SLC4A4: variants seen among roughly 807,000 people sequenced by gnomAD.
SLC4A4 encodes electrogenic sodium bicarbonate cotransporter 1.
Under a neutral mutation model 111.5 loss-of-function variants are expected in SLC4A4, and 27 were observed. The observed-to-expected ratio is 0.24, with a 90% CI of 0.18 to 0.33. The LOEUF (loss-of-function observed/expected upper bound fraction) is 0.33. SLC4A4 is among the 10% of genes least tolerant of loss of function. The pLI is 1.00. For synonymous variants in SLC4A4, 443 were observed against 463.4 expected (o/e 0.96, Z 0.57); for missense variants, 909 against 1,315.5 (o/e 0.69, Z 4.78).
At chr4:71,179,054 G>A (rs1031627298) in intron 2 of SLC4A4, among the ~76,000 whole-genome samples, 1 of 152,108 alleles carries the variant, frequency 6.6e-6, no homozygotes, top group Non-Finnish European at 1.5e-5. Context: ...TTCAACATAT[G>A]CAAATCAATA....
At chr4:71,321,091 CA>C (rs1317099855) in intron 3 of SLC4A4, among the ~76,000 whole-genome samples, 1 of 151,970 alleles carries the variant, frequency 6.6e-6, no homozygotes, top group Non-Finnish European at 1.5e-5. Context: ...CTGTAGAATG[CA>C]TAAGTTTATT....
chr4:71,484,101 A>T (rs1026811882), intron 14 of SLC4A4, among the ~76,000 whole-genome samples: 1 of 151,806 alleles, frequency 6.6e-6, no homozygotes, highest in Non-Finnish European at 1.5e-5. Context: ...AGTTTGCAAA[A>T]ATTTCCTTCC....
chr4:71,423,782 A>G (rs953213492), intron 7 of SLC4A4, among the ~76,000 whole-genome samples: 1 of 152,258 alleles, frequency 6.6e-6, no homozygotes, highest in Non-Finnish European at 1.5e-5. Flanking sequence ...AAAACTGGCT[A>G]GCCATATGTA....
chr4:71,178,391 C>T (rs763368924), intron 2 of SLC4A4, among the ~76,000 whole-genome samples: 20 of 149,864 alleles, frequency 1.3e-4, no homozygotes, highest in Non-Finnish European at 1.0e-4. Flanking sequence ...CACAAAAATC[C>T]CTTCAAAAAA....
chr4:71,111,538 T>TGTTTTTCG (rs1560725503), intron 2 of SLC4A4, among the ~76,000 whole-genome samples: 2 of 140,602 alleles, frequency 1.4e-5, no homozygotes, highest in Admixed American at 1.4e-4. Flanking sequence ...TTTTTTTTTT[T>TGTTTTTCG]TTTTTTTTTT....
intron 4 of SLC4A4, among the ~76,000 whole-genome samples, chr4:71,349,603 A>G (rs1405462689): frequency 1.3e-5 from 2 of 152,206 alleles, no homozygotes; most frequent in Non-Finnish European, 2.9e-5. Flanking sequence ...ACCTTATTAA[A>G]AAATTTAGTT....
chr4:71,419,109 G>A (rs148393013), intron 7 of SLC4A4, among the ~76,000 whole-genome samples: 3,803 of 152,274 alleles, frequency 0.025, 158 homozygotes, highest in East Asian at 0.15. Flanking sequence ...CCTACTGGGG[G>A]GTGCCTCCCA....
chr4:71,544,202 T>A (rs1262508235), intron 18 of SLC4A4, among the ~76,000 whole-genome samples: 2 of 152,046 alleles, frequency 1.3e-5, no homozygotes, highest in Non-Finnish European at 2.9e-5. Flanking sequence ...TAACTTGACT[T>A]ACTTATCTCA....
chr4:71,265,439 G>T (rs1368611704), intron 3 of SLC4A4, among the ~76,000 whole-genome samples: 8 of 152,096 alleles, frequency 5.3e-5, no homozygotes, highest in Admixed American at 3.9e-4. Context: ...AATAGAGGGG[G>T]AAGTGCAGGG....
chr4:71,438,041 C>T (rs907819747), intron 7 of SLC4A4: 2 of 153,634 alleles, frequency 1.3e-5, no homozygotes, highest in Admixed American at 1.3e-4. Context: ...TGTGGCTGCG[C>T]AAGGCCACTC....
chr4:71,379,783 A>G (rs957324284), intron 6 of SLC4A4, among the ~76,000 whole-genome samples: 7 of 152,080 alleles, frequency 4.6e-5, no homozygotes, highest in African/African-American at 1.2e-4. Context: ...AACGATGACG[A>G]ATTTCTCAAA....
intron 1 of SLC4A4, among the ~76,000 whole-genome samples, chr4:71,220,519 TTAA>T (rs761221930): frequency 3.3e-5 from 5 of 151,956 alleles, no homozygotes; most frequent in Non-Finnish European, 7.4e-5. Context: ...CCTAATACAA[TTAA>T]TAATAATTCC....
At chr4:71,454,925 A>T (rs1179346009) in intron 12 of SLC4A4, among the ~76,000 whole-genome samples, 1 of 151,898 alleles carries the variant, frequency 6.6e-6, no homozygotes, top group Non-Finnish European at 1.5e-5. Context: ...CAGCTTCTTT[A>T]CTCATGTGTT....
At chr4:71,536,774 A>G (rs568875319) in intron 18 of SLC4A4, among the ~76,000 whole-genome samples, 4 of 151,454 alleles carry the variant, frequency 2.6e-5, no homozygotes, top group South Asian at 2.1e-4. Context: ...GATTACAGGC[A>G]TGAGCCACCA....
At chr4:71,094,165 G>A (rs1282357050) in intron 2 of SLC4A4, among the ~76,000 whole-genome samples, 1 of 152,164 alleles carries the variant, frequency 6.6e-6, no homozygotes, top group Non-Finnish European at 1.5e-5. Context: ...GGTAAGCCAC[G>A]AGTGGCATAC....
intron 7 of SLC4A4, among the ~76,000 whole-genome samples, chr4:71,404,454 G>GT (rs1256419496): frequency 1.3e-5 from 2 of 152,206 alleles, no homozygotes; most frequent in African/African-American, 4.8e-5. Flanking sequence ...CAAAGAAATT[G>GT]TAGCTATTGC....
intron 2 of SLC4A4, among the ~76,000 whole-genome samples, chr4:71,118,635 C>A (rs931831801): frequency 6.6e-6 from 1 of 151,844 alleles, no homozygotes; most frequent in African/African-American, 2.4e-5. Context: ...CTGGAAATAT[C>A]TTTATTTGCC....
At chr4:71,466,212 T>A (rs57103819) in intron 12 of SLC4A4, among the ~76,000 whole-genome samples, 2,811 of 152,202 alleles carry the variant, frequency 0.018, 78 homozygotes, top group African/African-American at 0.063. Flanking sequence ...TTATAGTGCT[T>A]TAGAGCAGGT....
chr4:71,067,096 C>G (rs559644510), intron 1 of SLC4A4, among the ~76,000 whole-genome samples: 1 of 150,962 alleles, frequency 6.6e-6, no homozygotes, highest in African/African-American at 2.4e-5. Context: ...ACAACTTCTT[C>G]CTGAAAATGG....
Sources: allele counts gnomAD v4.1 joint callset (sites outside exome capture counted in the v4.1 genomes callset), GRCh38; gene constraint gnomAD v4.1.1; transcripts MANE v1.5; gene names NCBI Gene and HGNC (gene_info 2026-07-23, HGNC 2026-07-21).